CNTN5: variants seen among roughly 807,000 people sequenced by gnomAD.
CNTN5 encodes contactin-5.
A neutral mutation model predicts 129.1 loss-of-function variants in CNTN5; 77 were observed. That is an observed-to-expected ratio of 0.60 (90% CI 0.50 to 0.72). The LOEUF (loss-of-function observed/expected upper bound fraction) is 0.72, where lower values mean the gene tolerates loss of function less well. Among genes scored for constraint, CNTN5 ranks in the 30% least tolerant of loss-of-function variants. CNTN5 has a pLI of 0.00. For missense variants in CNTN5, 1,478 were observed against 1,328.8 expected (o/e 1.11, Z -1.75); for synonymous variants, 509 against 465.6 (o/e 1.09, Z -1.20).
chr11:100,095,821 G>A (rs934721017), intron 13 of CNTN5, among the ~76,000 whole-genome samples: 5 of 152,058 alleles, frequency 3.3e-5, no homozygotes, highest in South Asian at 2.1e-4. Flanking sequence ...GTGTGCCTTC[G>A]GTGATTTATT....
At chr11:99,454,585 A>G (rs1449129058) in intron 2 of CNTN5, among the ~76,000 whole-genome samples, 3 of 152,092 alleles carry the variant, frequency 2.0e-5, no homozygotes, top group Admixed American at 6.5e-5. Flanking sequence ...CCTCCGACCT[A>G]TAGCCCCTCC....
intron 1 of CNTN5, among the ~76,000 whole-genome samples, chr11:99,128,449 C>T (rs1858756417): frequency 6.8e-6 from 1 of 147,704 alleles, no homozygotes; most frequent in South Asian, 2.1e-4. Context: ...ACATGAATTC[C>T]AGCAATTCCA....
chr11:99,538,428 G>A (rs1286564397), intron 2 of CNTN5, among the ~76,000 whole-genome samples: 2 of 152,010 alleles, frequency 1.3e-5, no homozygotes, highest in Non-Finnish European at 2.9e-5. Context: ...GTATATTAGC[G>A]CTAATTATGA....
At chr11:99,332,540 T>G (rs932859279) in intron 2 of CNTN5, among the ~76,000 whole-genome samples, 64 of 152,252 alleles carry the variant, frequency 4.2e-4, no homozygotes, top group African/African-American at 1.5e-3. Flanking sequence ...CAGTTTTTTT[T>G]ATCATATACA....
Position 99,805,611 on chromosome 11 carries a change from A to C in CNTN5, c.56-13933A>C, listed in dbSNP as rs556049240. Among the ~76,000 whole-genome samples the C allele has an allele frequency of 3.0e-4, 45 of 152,264 alleles. No homozygotes were observed. In the South Asian group the frequency reaches 9.3e-3, roughly 32 times the overall value. ...CAGGGGAAGTAGTGTGCTTTCATAA[A>C]CCATGGTGACCAAGGAATGAACACT... On this transcript the variant is annotated intron_variant, in intron 3 of 24. Coordinates refer to ENST00000524871, the MANE Select transcript of CNTN5 (RefSeq NM_014361.4).
rs767409701 is a variant in CNTN5, at chr11:100,271,272, G to T, written c.2314+31G>T. ...AATTTGGAAGAGTCAGATTGGATTT[G>T]GTATGCTTCTAATCGTCTTGAAAGT... On this transcript the variant is annotated intron_variant, in intron 18 of 24. Transcript: ENST00000524871. The T allele has an allele frequency of 5.2e-6, 8 of 1,549,858 alleles. No homozygotes were observed. In the Admixed American group the frequency reaches 9.7e-5, roughly 19 times the overall value.
chr11:99,272,784 C>A (rs993119950), intron 1 of CNTN5, among the ~76,000 whole-genome samples: 1 of 151,768 alleles, frequency 6.6e-6, no homozygotes, highest in African/African-American at 2.4e-5. Context: ...CTTTTGGTTT[C>A]CACATACACA....
chr11:99,074,496 A>T (rs1481316984), intron 1 of CNTN5, among the ~76,000 whole-genome samples: 1 of 152,134 alleles, frequency 6.6e-6, no homozygotes, highest in African/African-American at 2.4e-5. Context: ...GACTTCAAGA[A>T]TATTTTTATC....
chr11:99,157,341 T>G (rs983626215), intron 1 of CNTN5, among the ~76,000 whole-genome samples: 3 of 152,088 alleles, frequency 2.0e-5, no homozygotes, highest in African/African-American at 7.2e-5. Context: ...TATAGACTTC[T>G]GTGAAAAATC....
chr11:99,523,597 G>GATAGAATAGAATAGAATAGA, intron 2 of CNTN5, among the ~76,000 whole-genome samples: 1 of 127,484 alleles, frequency 7.8e-6, no homozygotes, highest in Admixed American at 8.5e-5. Flanking sequence ...CTCAAAGAAA[G>GATAGAATAGAATAGAATAGA]ATAGAATAGA....
chr11:99,901,666 G>C (rs1198990092), intron 6 of CNTN5, among the ~76,000 whole-genome samples: 1 of 152,046 alleles, frequency 6.6e-6, no homozygotes, highest in Non-Finnish European at 1.5e-5. Context: ...TCACCACTGA[G>C]ATTTATTCAT....
At chr11:99,175,291 C>T (rs1249408177) in intron 1 of CNTN5, among the ~76,000 whole-genome samples, 9 of 152,064 alleles carry the variant, frequency 5.9e-5, no homozygotes, top group African/African-American at 1.7e-4. Context: ...CATGAATGTT[C>T]ATGGTCTTGT....
At chr11:99,851,261 C>G (rs912128633) in intron 6 of CNTN5, among the ~76,000 whole-genome samples, 1 of 152,090 alleles carries the variant, frequency 6.6e-6, no homozygotes, top group Admixed American at 6.5e-5. Flanking sequence ...GGTGGAGAAG[C>G]TGTGTTAATG....
In CNTN5 at chr11:100,358,530, A is replaced by G. The variant is rs1252306277; in HGVS notation, c.*2310A>G. 1.3e-5 allele frequency: 2 copies of G among 151,892 alleles called. No homozygotes were observed. The highest frequency in any genetic ancestry group is 2.9e-5 in the Non-Finnish European group (2 of 67,840). The allele number at this position is 151,892 out of a possible 1,614,324, so 9.4% of individuals were successfully genotyped here. On this transcript the variant is annotated 3_prime_UTR_variant, in exon 25 of 25. Transcript: ENST00000524871. ...TCTGTTACTTTGTAGAAACCAGAAGAGCATTCTTATCAAGGTACATTATTT... is the reference window on the plus strand; with the variant it reads ...TCTGTTACTTTGTAGAAACCAGAAGGGCATTCTTATCAAGGTACATTATTT...
At chr11:99,509,767 T>C (rs1191641406) in intron 2 of CNTN5, among the ~76,000 whole-genome samples, 2 of 151,966 alleles carry the variant, frequency 1.3e-5, no homozygotes, top group Non-Finnish European at 2.9e-5. Flanking sequence ...TCATTTAATA[T>C]AGGGGTAATT....
intron 4 of CNTN5, among the ~76,000 whole-genome samples, chr11:99,831,180 C>T (rs1039554778): frequency 1.3e-5 from 2 of 152,010 alleles, no homozygotes; most frequent in Non-Finnish European, 2.9e-5. Context: ...AAATAGGAAC[C>T]CACACATTTT....
At chr11:99,475,718 T>C (rs1046568343) in intron 2 of CNTN5, among the ~76,000 whole-genome samples, 3 of 152,126 alleles carry the variant, frequency 2.0e-5, no homozygotes, top group African/African-American at 7.2e-5. Context: ...ATAAATGATT[T>C]TATTGCATTT....
chr11:99,563,730 A>G (rs748388529), intron 3 of CNTN5, among the ~76,000 whole-genome samples: 1 of 152,162 alleles, frequency 6.6e-6, no homozygotes, highest in Non-Finnish European at 1.5e-5. Flanking sequence ...AGGCAATGGG[A>G]ATGACTTGGT....
chr11:99,612,560 T>A (rs11220637), intron 3 of CNTN5, among the ~76,000 whole-genome samples: 28,889 of 152,128 alleles, frequency 0.19, 2,935 homozygotes, highest in Non-Finnish European at 0.2. Context: ...TTAGTCTTTT[T>A]AAAAACTTTT....
Sources: allele counts gnomAD v4.1 joint callset (sites outside exome capture counted in the v4.1 genomes callset), GRCh38; gene constraint gnomAD v4.1.1; transcripts MANE v1.5; gene names NCBI Gene and HGNC (gene_info 2026-07-23, HGNC 2026-07-21).